The following LHPP variants were observed in gnomAD, a reference collection of about 807,000 sequenced individuals.
LHPP encodes the protein hLHPP.
Under a neutral mutation model 30.3 loss-of-function variants are expected in LHPP, and 24 were observed. The ratio of observed to expected loss-of-function variants is 0.79; its 90% confidence interval spans 0.57 to 1.11. The LOEUF is 1.11. LHPP is among the 50% of genes most tolerant of loss of function. The pLI is 0.00. For missense variants in LHPP, 356 were observed against 367.2 expected (o/e 0.97, Z 0.25); for synonymous variants, 150 against 157.1 (o/e 0.95, Z 0.34).
intron 6 of LHPP, among the ~76,000 whole-genome samples, chr10:124,534,406 C>T (rs975706452): frequency 2.6e-5 from 4 of 152,232 alleles, no homozygotes; most frequent in East Asian, 1.9e-4. Context: ...AGGGCAGCAC[C>T]GGCACGTCGG....
chr10:124,498,660 C>CTTTTTTTTT (rs552228070), intron 5 of LHPP: 103 of 354,354 alleles, frequency 2.9e-4, no homozygotes, highest in East Asian at 1.0e-3. Flanking sequence ...TTTTCTTTTT[C>CTTTTTTTTT]TTTTTTTTTT....
intron 6 of LHPP, among the ~76,000 whole-genome samples, chr10:124,547,742 G>GCCAGCCCT (rs200772020): frequency 2.0e-5 from 3 of 151,810 alleles, no homozygotes; most frequent in African/African-American, 7.3e-5. Context: ...CTGACCAGCG[G>GCCAGCCCT]GGCCATCGGG....
chr10:124,496,419 T>G lies in LHPP; in HGVS notation c.468-542T>G, dbSNP rs12569498. Reference sequence around the variant, plus strand: ...CCTCCATGAGACGGGAAGGAACAGTTGTCTTCTCATAAAAGCATCTGGCGC... The same window carrying G: ...CCTCCATGAGACGGGAAGGAACAGTGGTCTTCTCATAAAAGCATCTGGCGC... On this transcript the variant is annotated intron_variant, in intron 3 of 6. Transcript: ENST00000368842. This position sits in a 1 kb window ranked among gnomAD's most constrained non-coding sequence, Gnocchi z 4.3. Among the ~76,000 whole-genome samples the G allele has an allele frequency of 0.53, 80,954 of 152,038 alleles. 21,980 individuals carry two copies. Among genetic ancestry groups the G allele is most frequent in the South Asian group, 0.6 (2,897 of 4,820 alleles).
At chr10:124,553,829 C>T in intron 6 of LHPP, 1 of 953,414 alleles carries the variant, frequency 1.0e-6, no homozygotes, top group Non-Finnish European at 1.2e-6. Flanking sequence ...GAGACCTCCC[C>T]CGGGCCAGGC....
At chr10:124,481,680 C>T (rs1015904295) in intron 1 of LHPP, among the ~76,000 whole-genome samples, 17 of 152,100 alleles carry the variant, frequency 1.1e-4, no homozygotes, top group African/African-American at 4.1e-4. Flanking sequence ...CATGCTCTGC[C>T]TTATCTGCCC....
In LHPP at chr10:124,608,418, C is replaced by G. The variant is rs530100843; in HGVS notation, c.717-4846C>G. Among the ~76,000 whole-genome samples the G allele has an allele frequency of 2.9e-3, 446 of 152,312 alleles. 4 individuals carry two copies. Among genetic ancestry groups the G allele is most frequent in the African/African-American group, 0.011 (438 of 41,578 alleles). On this transcript the variant is annotated intron_variant, in intron 6 of 6. Coordinates refer to ENST00000368842, the MANE Select transcript of LHPP (RefSeq NM_022126.4). ...TTTTAGCCACAACAGCGCCCACACC[C>G]GCGCCAACCAACCTGTCCTTGCCAC...
At chr10:124,565,703 G>C (rs1431829713) in intron 6 of LHPP, among the ~76,000 whole-genome samples, 5 of 152,200 alleles carry the variant, frequency 3.3e-5, no homozygotes, top group African/African-American at 1.2e-4. Context: ...ATCACTTCTT[G>C]GCACAGGCGG....
chr10:124,587,024 C>CTTT (rs57728201), intron 6 of LHPP, among the ~76,000 whole-genome samples: 13 of 120,724 alleles, frequency 1.1e-4, no homozygotes, highest in Admixed American at 3.5e-4. Flanking sequence ...GTGCTTGCTA[C>CTTT]TTTTTTTTTT....
At chr10:124,471,273 C>A (rs1272083470) in intron 1 of LHPP, among the ~76,000 whole-genome samples, 1 of 150,584 alleles carries the variant, frequency 6.6e-6, no homozygotes, top group African/African-American at 2.4e-5. Flanking sequence ...TTTGGTTAGT[C>A]ACAGGTCACT....
intron 6 of LHPP, among the ~76,000 whole-genome samples, chr10:124,550,272 G>A (rs943923002): frequency 6.6e-6 from 1 of 152,342 alleles, no homozygotes; most frequent in Middle Eastern, 3.4e-3. Flanking sequence ...AGGCAGCTGC[G>A]GGGCAGGGGG....
intron 6 of LHPP, among the ~76,000 whole-genome samples, chr10:124,571,375 T>G (rs11245296): frequency 0.51 from 77,340 of 151,666 alleles, 19,924 homozygotes; most frequent in South Asian, 0.66. Flanking sequence ...ACTTTTTGAG[T>G]AACGAGCGGC....
At chr10:124,542,828 G>A (rs577985754) in intron 6 of LHPP, among the ~76,000 whole-genome samples, 13 of 152,246 alleles carry the variant, frequency 8.5e-5, no homozygotes, top group African/African-American at 3.1e-4. Context: ...GGGTTTTGTG[G>A]ACGCGCCTGC....
At chr10:124,481,609 G>A (rs1198847727) in intron 1 of LHPP, among the ~76,000 whole-genome samples, 1 of 151,734 alleles carries the variant, frequency 6.6e-6, no homozygotes, top group East Asian at 1.9e-4. Flanking sequence ...TCAAACTCCT[G>A]CCCTCAAGTG....
intron 6 of LHPP, among the ~76,000 whole-genome samples, chr10:124,611,626 G>A (rs1388919193): frequency 2.0e-5 from 3 of 152,016 alleles, no homozygotes; most frequent in Non-Finnish European, 4.4e-5. Flanking sequence ...GACTGCCCCT[G>A]TGGCCCCCGT....
At chr10:124,484,034 G>A in intron 1 of LHPP, 105 bp from the exon 2 acceptor site, 1 of 1,089,154 alleles carries the variant, frequency 9.2e-7, no homozygotes, top group Non-Finnish European at 1.4e-6. Context: ...GGCCTAGTCT[G>A]CTCTGGGCTT....
In LHPP at chr10:124,496,949, GCT is replaced by G; in HGVS notation, c.468-6_468-5del. ...TGCTCAGCATCCCGTGCTCCGTTCT[GCT>G]CTCTCCTAGGCGTTACTACAAGGAG... On this transcript the variant is annotated splice_polypyrimidine_tract_variant and intron_variant, in intron 3 of 6. Transcript: ENST00000368842. This position sits in a 1 kb window ranked among gnomAD's most constrained non-coding sequence, Gnocchi z 4.3. 2 of 1,612,376 alleles carry G rather than the reference GCT, an allele frequency of 1.2e-6. No individual in the cohort carries two copies. The highest frequency in any genetic ancestry group is 2.2e-5 in the South Asian group (2 of 90,860).
chr10:124,554,923 CTG>C (rs1365609400), intron 6 of LHPP, among the ~76,000 whole-genome samples: 1 of 152,246 alleles, frequency 6.6e-6, no homozygotes, highest in African/African-American at 2.4e-5. Context: ...TGAGCACCTG[CTG>C]TGTGCTCTTA....
At chr10:124,512,922 A>G (rs61001981) in intron 5 of LHPP, among the ~76,000 whole-genome samples, 4,453 of 152,260 alleles carry the variant, frequency 0.029, 195 homozygotes, top group African/African-American at 0.099. Flanking sequence ...CCGTCCTTGC[A>G]GGCAGAGTCC....
intron 6 of LHPP, among the ~76,000 whole-genome samples, chr10:124,611,159 C>T (rs1949192800): frequency 6.6e-6 from 1 of 151,726 alleles, no homozygotes; most frequent in African/African-American, 2.4e-5. Context: ...CAAGCGATCC[C>T]CACTGGTACT....
Sources: gnomAD v4.1 joint callset for allele counts (sites outside exome capture counted in the v4.1 genomes callset) on GRCh38, gnomAD v4.1.1 for gene constraint, Gnocchi (gnomAD v3.1) non-coding constraint, MANE v1.5 for transcripts, NCBI Gene and HGNC (gene_info 2026-07-23, HGNC 2026-07-21) for gene names.